KCNJ15: variants seen among roughly 807,000 people sequenced by gnomAD.
KCNJ15 encodes ATP-sensitive inward rectifier potassium channel 15.
In KCNJ15, 14 loss-of-function variants were observed where a neutral mutation model predicts 23.0. The ratio of observed to expected loss-of-function variants is 0.61; its 90% CI spans 0.40 to 0.95. The LOEUF (loss-of-function observed/expected upper bound fraction) is 0.95. Among genes scored for constraint, KCNJ15 ranks in the 40% least tolerant of loss-of-function variants. The pLI, the probability that KCNJ15 is intolerant of heterozygous loss-of-function variation, is 0.00. For missense variants in KCNJ15, 388 were observed against 461.8 expected (o/e 0.84, Z 1.46); for synonymous variants, 185 against 183.2 (o/e 1.01, Z -0.08).
chr21:38,296,252 G>C (rs1054826171), intron 1 of KCNJ15, among the ~76,000 whole-genome samples: 4 of 124,256 alleles, frequency 3.2e-5, no homozygotes, highest in African/African-American at 1.1e-4. Flanking sequence ...TGATAGATTA[G>C]AGAGATAATT....
In KCNJ15 at chr21:38,283,414, CAG is replaced by C. The variant is rs1429879366; in HGVS notation, c.-116-13506_-116-13505del. Among the ~76,000 whole-genome samples the C allele has an allele frequency of 3.3e-5, 5 of 152,254 alleles. No homozygotes were observed. The East Asian group carries it at 7.7e-4, about 24-fold the overall frequency. The stretch of plus-strand genomic sequence containing the variant: ...TTTTGATCTTACCTAGAGAGAGAAA[CAG>C]AGAGATTACCCTGCATATTTAGCTG... On this transcript the variant is annotated intron_variant, in intron 1 of 2. Transcript: ENST00000398938.
At chr21:38,238,601 T>C (rs1978782809) in intron 1 of KCNJ15, 1 of 610,426 alleles carries the variant, frequency 1.6e-6, no homozygotes, top group Non-Finnish European at 3.1e-6. Flanking sequence ...ATCCAGTCCT[T>C]GTGACTCGTG....
chr21:38,299,202 C>A lies in KCNJ15; in HGVS notation c.-18-42C>A. ...ATGATTCTATTTTCTGGAAGTTCCA[C>A]CACATATGGCGATAATGAAACATCT... is the stretch of plus-strand genomic sequence containing the variant. On this transcript the variant is annotated intron_variant, in intron 2 of 2. Transcript: ENST00000398938. This position sits in a 1 kb window ranked among gnomAD's most constrained non-coding sequence, Gnocchi z 4.5. The A allele has an allele frequency of 7.0e-7, 1 of 1,428,128 alleles. No individual in the cohort carries two copies. The highest frequency in any genetic ancestry group is 9.6e-7 in the Non-Finnish European group (1 of 1,041,310). 88.5% of individuals were successfully genotyped at this position (1,428,128 alleles called of 1,614,324 possible).
At chr21:38,276,154 C>A (rs1183644922) in intron 1 of KCNJ15, among the ~76,000 whole-genome samples, 1 of 151,830 alleles carries the variant, frequency 6.6e-6, no homozygotes, top group Admixed American at 6.6e-5. Context: ...GGCATGATAA[C>A]AATTTATGTA....
In KCNJ15 at chr21:38,297,294, C is replaced by T. The variant is rs546357749; in HGVS notation, c.-19+271C>T. 2.0e-5 allele frequency among the ~76,000 whole-genome samples: 3 copies of T among 152,314 alleles called. No individual in the cohort carries two copies. In the East Asian group the frequency reaches 5.8e-4, roughly 29 times the overall value. On this transcript the variant is annotated intron_variant, in intron 2 of 2. Coordinates refer to ENST00000398938, the MANE Select transcript of KCNJ15 (RefSeq NM_170736.3). ...GAAAGAGGAAACAGATACAGTTCAT[C>T]CCAAGCCTGGCTTGCTGCCCCTTTG...
At chr21:38,281,378 G>T (rs1262456992) in intron 1 of KCNJ15, among the ~76,000 whole-genome samples, 5 of 152,076 alleles carry the variant, frequency 3.3e-5, no homozygotes, top group African/African-American at 1.2e-4. Flanking sequence ...ATCCTGTCGT[G>T]CAGGTAGTGA....
rs754807016 is a variant in KCNJ15, at chr21:38,300,311, A to G, written c.1050A>G (p.Gln350=). The part of the protein sequence containing the change: ...TFYCADSEKQ[Q]LEEKYRQEDQ... ...ACTGTGCAGATTCTGAGAAACAGCA[A>G]CTCGAGGAGAAGTACAGGCAGGAGG... The change falls in exon 3 of 3, where the codon CAA becomes CAG. Residue 350 remains glutamine (Q), a synonymous_variant. Coordinates refer to ENST00000398938, the MANE Select transcript of KCNJ15 (RefSeq NM_170736.3). 1.2e-6 allele frequency: 2 copies of G among 1,614,002 alleles called. No homozygotes were observed. Among genetic ancestry groups the G allele is most frequent in the East Asian group, 2.2e-5 (1 of 44,888 alleles).
In KCNJ15 at chr21:38,300,361, C is replaced by A. The variant is rs1985668702; in HGVS notation, c.1100C>A (p.Thr367Lys). 2 of 1,612,750 alleles carry A rather than the reference C, an allele frequency of 1.2e-6. No homozygotes were observed. Among genetic ancestry groups the A allele is most frequent in the Non-Finnish European group, 1.7e-6 (2 of 1,179,300 alleles). The part of the protein sequence containing the change: ...QEDQRERELR[T>K]LLLQQSNV ...GATCAGAGGGAAAGAGAACTGAGGACACTTTTATTACAACAGAGCAATGTC... is the reference window on the plus strand; with the variant it reads ...GATCAGAGGGAAAGAGAACTGAGGAAACTTTTATTACAACAGAGCAATGTC... The change falls in exon 3 of 3, where the codon ACA becomes AAA. Residue 367 changes from threonine to lysine, a missense_variant. Coordinates refer to ENST00000398938, the MANE Select transcript of KCNJ15 (RefSeq NM_170736.3).
At chr21:38,232,236 A>T (rs1418844453) in intron 1 of KCNJ15, among the ~76,000 whole-genome samples, 3 of 151,658 alleles carry the variant, frequency 2.0e-5, no homozygotes, top group African/African-American at 7.3e-5. Context: ...CATGGCATAC[A>T]ATCTTTCATA....
chr21:38,300,051 CT>C lies in KCNJ15; in HGVS notation c.791del (p.Leu264ArgfsTer9). On this transcript the variant is annotated frameshift_variant, in exon 3 of 3. Transcript: ENST00000398938. LOFTEE classifies it high-confidence loss of function. ...FYHVLDETSPLRDLTPQNLKE... is the reference protein window; with the variant it reads ...FYHVLDETSPXRDLTPQNLKE... ...CCATGTGCTGGATGAGACGAGCCCC[CT>C]GAGAGACCTCACACCCCAAAACCTA... 1.2e-6 allele frequency: 2 copies of C among 1,614,120 alleles called. No homozygotes were observed. The highest frequency in any genetic ancestry group is 1.7e-6 in the Non-Finnish European group (2 of 1,180,030).
intron 1 of KCNJ15, chr21:38,237,272 C>T (rs1451304077): frequency 6.6e-6 from 1 of 152,178 alleles, no homozygotes; most frequent in African/African-American, 2.4e-5. Flanking sequence ...CTTTAGAATC[C>T]AGAGAAGAGA....
At chr21:38,239,831 G>T (rs1978868774) in intron 1 of KCNJ15, among the ~76,000 whole-genome samples, 1 of 152,210 alleles carries the variant, frequency 6.6e-6, no homozygotes, top group Non-Finnish European at 1.5e-5. Context: ...TGCCGTGACT[G>T]CCCTACAGTG....
chr21:38,258,154 G>A (rs1184546872), intron 1 of KCNJ15, among the ~76,000 whole-genome samples: 1 of 151,438 alleles, frequency 6.6e-6, no homozygotes, highest in African/African-American at 2.4e-5. Flanking sequence ...TCACACTCAT[G>A]CACAATCAAC....
At chr21:38,243,936 T>C (rs1979187867) in intron 1 of KCNJ15, among the ~76,000 whole-genome samples, 2 of 152,246 alleles carry the variant, frequency 1.3e-5, no homozygotes. Context: ...GAACTCTTTG[T>C]TTCCACTGTG....
rs1257052198 is a variant in KCNJ15, at chr21:38,303,393, C to T, written c.*3004C>T. 1 of 151,858 alleles carries T rather than the reference C, an allele frequency of 6.6e-6. No homozygotes were observed. Among genetic ancestry groups the T allele is most frequent in the Admixed American group, 6.6e-5 (1 of 15,264 alleles). The allele number at this position is 151,858 out of a possible 1,614,324, so 9.4% of individuals were successfully genotyped here. A position where few individuals can be genotyped will look rare whatever the true frequency, so the allele number is the denominator to read the frequency against. On this transcript the variant is annotated 3_prime_UTR_variant, in exon 3 of 3. Coordinates refer to ENST00000398938, the MANE Select transcript of KCNJ15 (RefSeq NM_170736.3). The stretch of plus-strand genomic sequence containing the variant: ...GAGACCATTAAAAAACGTTGTGTTC[C>T]ATTTGAGAAACCAGAGTCAACAGCA...
intron 1 of KCNJ15, among the ~76,000 whole-genome samples, chr21:38,289,363 G>T (rs1218518100): frequency 6.6e-6 from 1 of 152,178 alleles, no homozygotes; most frequent in Non-Finnish European, 1.5e-5. Context: ...CTTCTCCTCT[G>T]TTGTAGGTTT....
In KCNJ15 at chr21:38,237,607, G is replaced by T. The variant is rs1048061605; in HGVS notation, c.-398-19439G>T. Among the ~76,000 whole-genome samples the T allele has an allele frequency of 1.2e-4, 18 of 152,156 alleles. No homozygotes were observed. The South Asian group carries it at 2.3e-3, about 19-fold the overall frequency. ...ACAGGAGTGCAGGATGGAGGTGAGC[G>T]GGGGGGCAGGCAGCAGACTCTGCCA... is the stretch of plus-strand genomic sequence containing the variant. On this transcript the variant is annotated intron_variant, in intron 1 of 4. Transcript: ENST00000547341.
In KCNJ15 at chr21:38,307,093, G is replaced by T. The variant is rs1205828846; in HGVS notation, c.*6704G>T. 3.3e-5 allele frequency: 5 copies of T among 152,184 alleles called. No homozygotes were observed. Among genetic ancestry groups the T allele is most frequent in the Non-Finnish European group, 5.9e-5 (4 of 68,038 alleles). The allele number at this position is 152,184 out of a possible 1,614,324, so 9.4% of individuals were successfully genotyped here. The stretch of plus-strand genomic sequence containing the variant: ...ATTTGCTCCAGCAGAATGGTGGTTT[G>T]TGTTTCTCAAGGCTGAGCTACTATT... On this transcript the variant is annotated 3_prime_UTR_variant, in exon 3 of 3. Transcript: ENST00000398938.
At chr21:38,259,009 G>T (rs1357791199) in intron 1 of KCNJ15, among the ~76,000 whole-genome samples, 2 of 151,966 alleles carry the variant, frequency 1.3e-5, no homozygotes, top group African/African-American at 4.8e-5. Context: ...TGGGGCGTGT[G>T]TGTGTGTGTG....
Sources: allele counts gnomAD v4.1 joint callset (sites outside exome capture counted in the v4.1 genomes callset), GRCh38; gene constraint gnomAD v4.1.1; non-coding constraint Gnocchi (gnomAD v3.1); transcripts MANE v1.5; gene names NCBI Gene and HGNC (gene_info 2026-07-23, HGNC 2026-07-21).